The following RNF4 variants were observed in gnomAD, a reference collection of about 807,000 sequenced individuals.
RNF4 encodes E3 ubiquitin-protein ligase RNF4.
In RNF4, 7 loss-of-function variants were observed where a neutral mutation model predicts 24.3. That is an observed-to-expected ratio of 0.29 (90% CI 0.16 to 0.54). The LOEUF (loss-of-function observed/expected upper bound fraction) is 0.54, where lower values mean the gene tolerates loss of function less well. Among genes scored for constraint, RNF4 ranks in the 20% least tolerant of loss-of-function variants. The probability of loss-of-function intolerance (pLI) is 0.95; values close to 1 mark genes in which losing one functional copy is unlikely to be tolerated. For missense variants in RNF4, 209 were observed against 248.5 expected (o/e 0.84, Z 1.07); for synonymous variants, 83 against 84.3 (o/e 0.98, Z 0.09).
chr4:2,512,595 C>T lies in RNF4; in HGVS notation c.372C>T (p.Leu124=). ...CCAGGGATGAGGGCGCTACAGGCCTCAGGTACCAACGTGCCCCCAGCTCTG... is the reference window on the plus strand; with the variant it reads ...CCAGGGATGAGGGCGCTACAGGCCTTAGGTACCAACGTGCCCCCAGCTCTG... ...RNARDEGATG[L]RPSGTVSCPI... is the part of the protein sequence containing the mutation. The change falls in exon 6 of 8, where the codon CTC becomes CTT. Residue 124 remains leucine, a splice_region_variant and synonymous_variant. Coordinates refer to ENST00000314289, the MANE Select transcript of RNF4 (RefSeq NM_002938.5). The surrounding 1 kb of genome is among the most constrained non-coding windows in gnomAD (Gnocchi z 4.1). The T allele has an allele frequency of 6.2e-7, 1 of 1,613,624 alleles. No individual in the cohort carries two copies. The highest frequency in any genetic ancestry group is 8.5e-7 in the Non-Finnish European group (1 of 1,179,680).
chr4:2,476,406 G>GT (rs1257389105), intron 1 of RNF4, among the ~76,000 whole-genome samples: 1 of 152,012 alleles, frequency 6.6e-6, no homozygotes, highest in Admixed American at 6.6e-5. Context: ...TTTTTTGTTT[G>GT]TTTTTTGAGA....
intron 4 of RNF4, chr4:2,505,682 T>G (rs1736076743): frequency 1.3e-5 from 2 of 150,138 alleles, no homozygotes; most frequent in Admixed American, 6.6e-5. Context: ...CTTTAACCAT[T>G]GGTAGTCTAG....
chr4:2,483,617 A>G (rs931684156), intron 1 of RNF4, among the ~76,000 whole-genome samples: 1 of 152,090 alleles, frequency 6.6e-6, no homozygotes, highest in African/African-American at 2.4e-5. Flanking sequence ...CAGCCTGGCC[A>G]ACATGGCAAA....
At chr4:2,477,834 C>T (rs966130339) in intron 1 of RNF4, among the ~76,000 whole-genome samples, 6 of 152,070 alleles carry the variant, frequency 3.9e-5, no homozygotes, top group East Asian at 1.9e-4. Context: ...CAGTAGAGTG[C>T]GATGCTGCTG....
chr4:2,493,938 G>A (rs1320101625), intron 2 of RNF4, among the ~76,000 whole-genome samples: 2 of 150,324 alleles, frequency 1.3e-5, no homozygotes, highest in African/African-American at 4.9e-5. Context: ...TGCTGCCCGG[G>A]TTCAAGCGAT....
At chr4:2,479,899 A>ATC (rs1735197441) in intron 1 of RNF4, 1 of 152,098 alleles carries the variant, frequency 6.6e-6, no homozygotes, top group Non-Finnish European at 1.5e-5. Flanking sequence ...GGTATCCGCC[A>ATC]TCTCTTTCAA....
At chr4:2,481,949 T>A (rs1303302546) in intron 1 of RNF4, among the ~76,000 whole-genome samples, 3 of 152,202 alleles carry the variant, frequency 2.0e-5, no homozygotes, top group Non-Finnish European at 4.4e-5. Context: ...TAGTCTACTT[T>A]CTAGGTAAAG....
At chr4:2,489,418 G>T (rs763814297) in intron 1 of RNF4, among the ~76,000 whole-genome samples, 3 of 152,184 alleles carry the variant, frequency 2.0e-5, no homozygotes, top group Non-Finnish European at 4.4e-5. Context: ...CCTCTCACCT[G>T]TGTCTGTTTT....
At position 2,490,421 on chromosome 4, in the gene RNF4, A is replaced by AT. The variant is rs1043048466; in HGVS notation, c.-70dup. 2 of 1,528,934 alleles carry AT rather than the reference A, an allele frequency of 1.3e-6. No homozygotes were observed. The highest frequency in any genetic ancestry group is 2.7e-5 in the African/African-American group (2 of 73,462). 94.7% of individuals were successfully genotyped at this position (1,528,934 alleles called of 1,614,324 possible). A position where few individuals can be genotyped will look rare whatever the true frequency, so the allele number is the denominator to read the frequency against. On this transcript the variant is annotated 5_prime_UTR_variant, in exon 2 of 8. Transcript: ENST00000314289. ...CCAGAGGGCATGAAAGGTTGAGAAC[A>AT]TTTGACTTCCCTGCAAACCTTGGTA...
chr4:2,511,111 T>A (rs950866461), intron 4 of RNF4, among the ~76,000 whole-genome samples: 3 of 152,262 alleles, frequency 2.0e-5, no homozygotes, highest in Non-Finnish European at 4.4e-5. Context: ...CCCCTAGTGC[T>A]GTCTAAATGT....
intron 1 of RNF4, among the ~76,000 whole-genome samples, chr4:2,476,201 T>C (rs1483653523): frequency 1.3e-5 from 2 of 152,200 alleles, no homozygotes; most frequent in Non-Finnish European, 2.9e-5. Context: ...TTAGCCAAAC[T>C]ACTGCTAAAT....
At chr4:2,492,171 C>G (rs1735601720) in intron 2 of RNF4, among the ~76,000 whole-genome samples, 1 of 151,622 alleles carries the variant, frequency 6.6e-6, no homozygotes, top group Non-Finnish European at 1.5e-5. Context: ...TGCAGTCCAG[C>G]CTGGGGGCAG....
intron 1 of RNF4, among the ~76,000 whole-genome samples, chr4:2,474,628 A>T (rs988538562): frequency 6.6e-5 from 10 of 152,188 alleles, no homozygotes; most frequent in African/African-American, 1.2e-4. Context: ...ATTTTGAAAG[A>T]AGTTCCACTG....
chr4:2,473,274 C>T (rs1734962515), intron 1 of RNF4, among the ~76,000 whole-genome samples: 1 of 151,780 alleles, frequency 6.6e-6, no homozygotes, highest in African/African-American at 2.4e-5. Context: ...GTCCCAGCTA[C>T]TTGAGGAGCT....
Position 2,490,369 on chromosome 4 carries a change from A to G in RNF4, c.-125A>G. ...AAATACTGGAAATCTGTCCGGATCC[A>G]AATTATTTTGCAAGCCAGATGAGTA... On this transcript the variant is annotated 5_prime_UTR_variant, in exon 2 of 8. Coordinates refer to ENST00000314289, the MANE Select transcript of RNF4 (RefSeq NM_002938.5). 1.1e-6 allele frequency: 1 copy of G among 900,132 alleles called. No homozygotes were observed. The highest frequency in any genetic ancestry group is 3.2e-4 in the Middle Eastern group (1 of 3,130). The allele number at this position is 900,132 out of a possible 1,614,324, so 55.8% of individuals were successfully genotyped here.
intron 1 of RNF4, among the ~76,000 whole-genome samples, chr4:2,472,949 A>T (rs1734951830): frequency 6.6e-6 from 1 of 151,720 alleles, no homozygotes; most frequent in South Asian, 2.1e-4. Flanking sequence ...CTGAGGCAGG[A>T]GAATGGTGTG....
intron 2 of RNF4, among the ~76,000 whole-genome samples, chr4:2,495,641 G>GT (rs950437952): frequency 4.0e-5 from 6 of 148,230 alleles, no homozygotes; most frequent in Non-Finnish European, 9.0e-5. Flanking sequence ...TTTTTTTTTG[G>GT]GGGGGGGTGA....
chr4:2,497,859 C>T (rs1382893749), intron 3 of RNF4, among the ~76,000 whole-genome samples: 1 of 152,138 alleles, frequency 6.6e-6, no homozygotes, highest in African/African-American at 2.4e-5. Context: ...TGGTCTCGAT[C>T]TCCTGACCTT....
chr4:2,499,196 C>T, intron 3 of RNF4: 1 of 311,174 alleles, frequency 3.2e-6, no homozygotes, highest in Non-Finnish European at 6.4e-6. Flanking sequence ...GACTCTGTCT[C>T]AAAAAAAAAA....
Sources: allele counts gnomAD v4.1 joint callset (sites outside exome capture counted in the v4.1 genomes callset), GRCh38; gene constraint gnomAD v4.1.1; non-coding constraint Gnocchi (gnomAD v3.1); transcripts MANE v1.5; gene names NCBI Gene and HGNC (gene_info 2026-07-23, HGNC 2026-07-21).